The following MAP2 variants were observed in gnomAD, a reference collection of about 807,000 sequenced individuals.
MAP2 encodes the protein microtubule associated protein 2.
Under a neutral mutation model 137.6 loss-of-function variants are expected in MAP2, and 14 were observed. That is an observed-to-expected ratio of 0.10 (90% CI 0.07 to 0.16). The LOEUF (loss-of-function observed/expected upper bound fraction) is 0.16, where lower values mean the gene tolerates loss of function less well. Ranked by LOEUF, MAP2 falls within the 10% of genes least tolerant of loss-of-function variation. The probability of loss-of-function intolerance (pLI) is 1.00; values close to 1 mark genes in which losing one functional copy is unlikely to be tolerated. For missense variants in MAP2, 2,088 were observed against 2,191.5 expected (o/e 0.95, Z 0.94); for synonymous variants, 786 against 782.3 (o/e 1.00, Z -0.08).
chr2:209,530,778 GAGAATT>G (rs1368700415), intron 2 of MAP2, among the ~76,000 whole-genome samples: 3 of 152,154 alleles, frequency 2.0e-5, no homozygotes, highest in Non-Finnish European at 4.4e-5. Context: ...TGAAGAGTCT[GAGAATT>G]AGAATTGATT....
intron 2 of MAP2, among the ~76,000 whole-genome samples, chr2:209,546,268 C>G (rs1246560414): frequency 6.6e-6 from 1 of 152,160 alleles, no homozygotes; most frequent in Non-Finnish European, 1.5e-5. Context: ...ATGTATATCT[C>G]TGTATACATG....
rs2153720726 is a variant in MAP2 at position 209,694,303 on chromosome 2, C to T, written c.2133C>T (p.Ser711=). The stretch of plus-strand genomic sequence containing the variant: ...ATTTGCCGATGTCTTGCCTAGATTC[C>T]ATAGCCCTTGGATTTAACTTTGGTC... ...SINLPMSCLD[S]IALGFNFGRG... is the part of the protein sequence containing the mutation. Residue 711 remains serine (S), a synonymous_variant, in exon 8 of 16, where the codon TCC becomes TCT. Coordinates refer to ENST00000682079, the MANE Select transcript of MAP2 (RefSeq NM_001375505.1). The T allele has an allele frequency of 1.2e-6, 2 of 1,614,108 alleles. No individual in the cohort carries two copies. Among genetic ancestry groups the T allele is most frequent in the East Asian group, 2.2e-5 (1 of 44,870 alleles).
intron 2 of MAP2, among the ~76,000 whole-genome samples, chr2:209,556,326 G>A (rs185591943): frequency 3.9e-4 from 60 of 152,226 alleles, no homozygotes; most frequent in Admixed American, 3.5e-3. Context: ...TTGTAGGCGC[G>A]AGCCACTGCA....
chr2:209,519,310 C>A (rs1023605480), intron 2 of MAP2, among the ~76,000 whole-genome samples: 4 of 152,058 alleles, frequency 2.6e-5, no homozygotes. Context: ...AAGGACTTGA[C>A]AGCCCCATCC....
intron 1 of MAP2, among the ~76,000 whole-genome samples, chr2:209,472,278 G>C (rs1026540736): frequency 6.6e-6 from 1 of 152,164 alleles, no homozygotes; most frequent in African/African-American, 2.4e-5. Flanking sequence ...GTGTGTGTCT[G>C]GGCTGTTAGC....
intron 2 of MAP2, among the ~76,000 whole-genome samples, chr2:209,556,026 T>TG (rs1414036302): frequency 6.7e-6 from 1 of 148,916 alleles, no homozygotes; most frequent in African/African-American, 2.5e-5. Context: ...CATTCTTTCT[T>TG]TTTTTTTTTT....
At chr2:209,483,069 T>C (rs1020719606) in intron 1 of MAP2, among the ~76,000 whole-genome samples, 7 of 152,202 alleles carry the variant, frequency 4.6e-5, no homozygotes, top group Admixed American at 4.6e-4. Flanking sequence ...TCCTCAGGGC[T>C]TTGCTAAATC....
chr2:209,594,215 A>G (rs1325406672), intron 3 of MAP2, among the ~76,000 whole-genome samples: 5 of 150,262 alleles, frequency 3.3e-5, no homozygotes, highest in Admixed American at 1.3e-4. Flanking sequence ...GCAGGGTAAG[A>G]TCTTTGCACA....
chr2:209,526,246 A>G (rs1426259686), intron 2 of MAP2, among the ~76,000 whole-genome samples: 1 of 152,130 alleles, frequency 6.6e-6, no homozygotes, highest in African/African-American at 2.4e-5. Flanking sequence ...TGTGGTTTAA[A>G]AGAGGAAACT....
At chr2:209,468,504 T>C (rs1461384241) in intron 1 of MAP2, among the ~76,000 whole-genome samples, 2 of 151,622 alleles carry the variant, frequency 1.3e-5, no homozygotes, top group African/African-American at 4.8e-5. Flanking sequence ...GTATTTTTAG[T>C]ACAGACGAGG....
At chr2:209,666,993 A>C (rs2046612296) in intron 5 of MAP2, among the ~76,000 whole-genome samples, 1 of 152,016 alleles carries the variant, frequency 6.6e-6, no homozygotes, top group Non-Finnish European at 1.5e-5. Flanking sequence ...TACAGTATGT[A>C]AATAGAAAGT....
intron 13 of MAP2, among the ~76,000 whole-genome samples, chr2:209,725,318 C>A (rs1390863186): frequency 2.0e-5 from 3 of 152,164 alleles, no homozygotes; most frequent in African/African-American, 7.2e-5. Flanking sequence ...CAACATTGGT[C>A]ACTTTTATGT....
intron 2 of MAP2, among the ~76,000 whole-genome samples, chr2:209,565,436 T>C (rs1363514478): frequency 6.6e-6 from 1 of 151,982 alleles, no homozygotes; most frequent in Non-Finnish European, 1.5e-5. Context: ...TCCAGGCTGG[T>C]TTTGAACTCC....
At chr2:209,597,015 A>G (rs1156879718) in intron 3 of MAP2, among the ~76,000 whole-genome samples, 2 of 152,140 alleles carry the variant, frequency 1.3e-5, no homozygotes, top group Non-Finnish European at 2.9e-5. Flanking sequence ...ACTAGCTGTG[A>G]CCATATGACT....
At chr2:209,705,839 G>A (rs553492231) in intron 12 of MAP2, 112 bp downstream of exon 12, 2 of 943,524 alleles carry the variant, frequency 2.1e-6, no homozygotes, top group African/African-American at 1.7e-5. Flanking sequence ...ATTAAGACTA[G>A]ATTATATTTG....
chr2:209,622,088 A>G (rs2091340712), intron 3 of MAP2, among the ~76,000 whole-genome samples: 1 of 152,184 alleles, frequency 6.6e-6, no homozygotes, highest in Admixed American at 6.5e-5. Context: ...CATGATTCTC[A>G]ACAGTGTTCA....
In MAP2 at chr2:209,700,264, T is replaced by G; in HGVS notation, c.4523-13T>G. ...AACTAAGTTTGGGGTTGTTTGTCTTTTATTTTCAACAGCAGCAGGTGGGGA... is the reference window on the plus strand; with the variant it reads ...AACTAAGTTTGGGGTTGTTTGTCTTGTATTTTCAACAGCAGCAGGTGGGGA... On this transcript the variant is annotated splice_polypyrimidine_tract_variant and intron_variant, in intron 10 of 15. Transcript: ENST00000682079. 6.2e-7 allele frequency: 1 copy of G among 1,612,408 alleles called. No individual in the cohort carries two copies. The highest frequency in any genetic ancestry group is 8.5e-7 in the Non-Finnish European group (1 of 1,178,852).
At position 209,694,614 on chromosome 2, in the gene MAP2, C is replaced by G. The variant is rs777136188; in HGVS notation, c.2444C>G (p.Thr815Arg). The G allele has an allele frequency of 6.2e-7, 1 of 1,614,062 alleles. No individual in the cohort carries two copies. The highest frequency in any genetic ancestry group is 1.1e-5 in the South Asian group (1 of 91,084). The change falls in exon 8 of 16, where the codon ACA becomes AGA. Residue 815 changes from threonine to arginine, a missense_variant. By Grantham distance (71) the Thr-to-Arg change is moderately conservative. This residue lies in a region of MAP2 where 500 missense variants were observed against 482.9 expected (regional missense o/e 1.04). Transcript: ENST00000682079. ...DLPEMLDLAG[T>R]RSRLASVSAD... ...CCTGAAATGCTAGATCTGGCAGGCA[C>G]AAGGTCAAGATTGGCTTCTGTGAGT...
intron 1 of MAP2, among the ~76,000 whole-genome samples, chr2:209,492,934 A>T (rs1472420383): frequency 6.6e-6 from 1 of 152,218 alleles, no homozygotes; most frequent in African/African-American, 2.4e-5. Context: ...ATTAGGAAAA[A>T]GCTACTTTAA....
Sources: gnomAD v4.1 joint callset for allele counts (sites outside exome capture counted in the v4.1 genomes callset) on GRCh38, gnomAD v4.1.1 for gene constraint, gnomAD v4.1.1 regional missense constraint, MANE v1.5 for transcripts, NCBI Gene and HGNC (gene_info 2026-07-23, HGNC 2026-07-21) for gene names.